PATL1: variants seen among roughly 807,000 people sequenced by gnomAD.
PATL1 encodes PAT1 homolog 1, processing body mRNA decay factor.
PATL1 carries 32 observed loss-of-function variants against 100.6 expected under a neutral mutation model. The ratio of observed to expected loss-of-function variants is 0.32; its 90% CI spans 0.24 to 0.43. The LOEUF (loss-of-function observed/expected upper bound fraction) is 0.43, where lower values mean the gene tolerates loss of function less well. PATL1 is among the 20% of genes least tolerant of loss of function. The probability of loss-of-function intolerance (pLI) is 1.00; values close to 1 mark genes in which losing one functional copy is unlikely to be tolerated. For synonymous variants in PATL1, 332 were observed against 330.0 expected (o/e 1.01, Z -0.07); for missense variants, 747 against 949.9 (o/e 0.79, Z 2.81).
intron 3 of PATL1, 43 bp downstream of exon 3, chr11:59,659,203 CTTTAAT>C: frequency 6.7e-7 from 1 of 1,493,988 alleles, no homozygotes; most frequent in Non-Finnish European, 9.1e-7. Flanking sequence ...CAATACTTCA[CTTTAAT>C]TTTTAGTCTG....
At chr11:59,641,866 C>A (rs1861285946) in intron 16 of PATL1, among the ~76,000 whole-genome samples, 1 of 152,186 alleles carries the variant, frequency 6.6e-6, no homozygotes, top group African/African-American at 2.4e-5. Context: ...CACTCCAGAA[C>A]CCCAGAGGCA....
Position 59,648,313 on chromosome 11 carries a change from G to A in PATL1, c.1734-400C>T, listed in dbSNP as rs533120486. Reference sequence around the variant, plus strand: ...TGATTCTCCTGCCTCAGTCTCCTGAGCAGCCGGGATTATAGATGCCCGCCA... The same window carrying A: ...TGATTCTCCTGCCTCAGTCTCCTGAACAGCCGGGATTATAGATGCCCGCCA... On this transcript the variant is annotated intron_variant, in intron 14 of 18. Coordinates refer to ENST00000300146, the MANE Select transcript of PATL1 (RefSeq NM_152716.3). 1.3e-4 allele frequency among the ~76,000 whole-genome samples: 20 copies of A among 150,082 alleles called. No individual in the cohort carries two copies. In the South Asian group the frequency reaches 4.2e-3, roughly 31 times the overall value.
chr11:59,665,527 G>A (rs144112199), intron 2 of PATL1, among the ~76,000 whole-genome samples: 366 of 152,326 alleles, frequency 2.4e-3, no homozygotes, highest in African/African-American at 8.3e-3. Flanking sequence ...TTGGCCAGGC[G>A]TGGTGGCTTG....
intron 6 of PATL1, among the ~76,000 whole-genome samples, chr11:59,656,277 G>C (rs1565134497): frequency 6.6e-6 from 1 of 152,138 alleles, no homozygotes; most frequent in Non-Finnish European, 1.5e-5. Flanking sequence ...GGAACCAGAT[G>C]ATCACAATGA....
In PATL1 at chr11:59,656,578, T is replaced by C. The variant is rs1393667823; in HGVS notation, c.644A>G (p.His215Arg). 5.6e-6 allele frequency: 9 copies of C among 1,613,968 alleles called. No individual in the cohort carries two copies. Among genetic ancestry groups the C allele is most frequent in the East Asian group, 2.2e-5 (1 of 44,884 alleles). The change falls in exon 6 of 19, where the codon CAT becomes CGT. Residue 215 changes from histidine to arginine, a missense_variant. His to Arg is a conservative substitution (Grantham distance 29, BLOSUM62 0). Around this residue, in one of 4 missense-constraint regions of PATL1, gnomAD observed 127 missense variants for 116.0 expected, o/e 1.09. Coordinates refer to ENST00000300146, the MANE Select transcript of PATL1 (RefSeq NM_152716.3). ...TQQILCPKPV[H>R]VRPPMPPRYP... The stretch of plus-strand genomic sequence containing the variant: ...ACGAGGTGGCATTGGGGGCCGAACA[T>C]GGACAGGCTTCGGACACAGAATCTA...
chr11:59,654,135 T>C, intron 8 of PATL1, 63 bp from the exon 9 acceptor site: 2 of 1,374,450 alleles, frequency 1.5e-6, no homozygotes, highest in Non-Finnish European at 1.0e-6. Context: ...TTTTAAAGAA[T>C]GTTGTCAGTA....
intron 10 of PATL1, 125 bp from the exon 11 acceptor site, chr11:59,652,712 G>C (rs2134749616): frequency 1.3e-6 from 2 of 1,506,558 alleles, no homozygotes; most frequent in Non-Finnish European, 1.8e-6. Context: ...ATAGTGAATA[G>C]TGCAAGATGC....
intron 15 of PATL1, among the ~76,000 whole-genome samples, chr11:59,643,683 C>G (rs1164645274): frequency 6.6e-6 from 1 of 152,004 alleles, no homozygotes. Context: ...CAGGGTGAGA[C>G]CCACCCTGTC....
At chr11:59,662,342 A>G (rs1861637824) in intron 2 of PATL1, among the ~76,000 whole-genome samples, 1 of 152,110 alleles carries the variant, frequency 6.6e-6, no homozygotes, top group South Asian at 2.1e-4. Context: ...CCCACCCAAT[A>G]GTTTCCTCTT....
chr11:59,654,828 A>C (rs546460593), intron 8 of PATL1, among the ~76,000 whole-genome samples: 4 of 152,186 alleles, frequency 2.6e-5, no homozygotes, highest in Admixed American at 6.5e-5. Flanking sequence ...TAACATTTAT[A>C]ATCAGTTGAC....
intron 2 of PATL1, among the ~76,000 whole-genome samples, chr11:59,664,376 T>C (rs1241402539): frequency 6.6e-6 from 1 of 152,236 alleles, no homozygotes; most frequent in East Asian, 1.9e-4. Flanking sequence ...TGACTCTTCC[T>C]CTTCTGTCCA....
At chr11:59,644,746 G>T (rs1031108310) in intron 15 of PATL1, among the ~76,000 whole-genome samples, 3 of 152,024 alleles carry the variant, frequency 2.0e-5, no homozygotes, top group South Asian at 4.1e-4. Context: ...ATAGAACTGT[G>T]TATTTTCCAT....
At position 59,652,795 on chromosome 11, in the gene PATL1, G is replaced by A. The variant is rs1199094288; in HGVS notation, c.1302+43C>T. On this transcript the variant is annotated intron_variant, in intron 10 of 18. Coordinates refer to ENST00000300146, the MANE Select transcript of PATL1 (RefSeq NM_152716.3). Reference sequence around the variant, plus strand: ...TTAAATGAATACCCTCACCAGTGTAGGGGACCAAACTATTATCCTCAAAAC... The same window carrying A: ...TTAAATGAATACCCTCACCAGTGTAAGGGACCAAACTATTATCCTCAAAAC... 3 of 1,592,012 alleles carry A rather than the reference G, an allele frequency of 1.9e-6. No individual in the cohort carries two copies. In the Admixed American group the frequency reaches 5.1e-5, roughly 27 times the overall value.
chr11:59,647,733 T>G, intron 15 of PATL1, 21 bp downstream of exon 15: 2 of 1,611,818 alleles, frequency 1.2e-6, no homozygotes, highest in Non-Finnish European at 1.7e-6. Context: ...AAAAGAAAGA[T>G]GTCCCATCTT....
At chr11:59,649,376 T>A (rs1298788661) in intron 14 of PATL1, 86 bp downstream of exon 14, 9 of 1,423,618 alleles carry the variant, frequency 6.3e-6, no homozygotes, top group East Asian at 2.3e-5. Context: ...TAGGGAAGTG[T>A]ACCTAAAAGG....
intron 2 of PATL1, among the ~76,000 whole-genome samples, chr11:59,665,083 G>T (rs1004935296): frequency 3.9e-5 from 6 of 152,136 alleles, no homozygotes; most frequent in African/African-American, 1.2e-4. Flanking sequence ...TTTCCATCAT[G>T]AGTCTAGCTT....
At position 59,651,651 on chromosome 11, in the gene PATL1, C is replaced by CAAA. The variant is rs747703894; in HGVS notation, c.1427-13_1427-11dup. 48 of 1,235,956 alleles carry CAAA rather than the reference C, an allele frequency of 3.9e-5. No individual in the cohort carries two copies. The highest frequency in any genetic ancestry group is 7.6e-5 in the Admixed American group (3 of 39,316). The allele number at this position is 1,235,956 out of a possible 1,614,324, so 76.6% of individuals were successfully genotyped here. ...GAGCCCTCAAATTGCACTGCAAAGA[C>CAAA]AAAAAAAAAAAAAATTCCAACAAAA... On this transcript the variant is annotated splice_polypyrimidine_tract_variant and intron_variant, in intron 11 of 18. Transcript: ENST00000300146.
intron 2 of PATL1, among the ~76,000 whole-genome samples, chr11:59,662,308 TTA>T (rs910052255): frequency 9.2e-5 from 14 of 152,166 alleles, no homozygotes; most frequent in African/African-American, 3.1e-4. Flanking sequence ...TGGGTCTTCT[TTA>T]TAATTATGTG....
chr11:59,639,260 T>G, intron 17 of PATL1, 32 bp downstream of exon 17: 1 of 1,571,808 alleles, frequency 6.4e-7, no homozygotes, highest in Non-Finnish European at 8.6e-7. Context: ...CTCAAAGAAC[T>G]TAAAATAAGA....
Sources: allele counts gnomAD v4.1 joint callset (sites outside exome capture counted in the v4.1 genomes callset), GRCh38; gene constraint gnomAD v4.1.1; regional missense constraint gnomAD v4.1.1; transcripts MANE v1.5; gene names NCBI Gene and HGNC (gene_info 2026-07-23, HGNC 2026-07-21).